The following ANKRD22 variants were observed in gnomAD, a reference collection of about 807,000 sequenced individuals.
ANKRD22 encodes ankyrin repeat domain 22.
Under a neutral mutation model 25.7 loss-of-function variants are expected in ANKRD22, and 24 were observed. The observed-to-expected ratio is 0.93, with a 90% CI of 0.68 to 1.31. The LOEUF is 1.31. Ranked by LOEUF, ANKRD22 falls within the 50% of genes most tolerant of loss-of-function variation. The pLI, the probability that ANKRD22 is intolerant of heterozygous loss-of-function variation, is 0.00. For missense variants in ANKRD22, 214 were observed against 227.1 expected, an observed-to-expected ratio of 0.94 and a Z score of 0.37; for synonymous variants, 84 against 84.3, an observed-to-expected ratio of 1.00 and a Z score of 0.02.
chr10:88,849,834 GCTTATC>G (rs1201225255), intron 1 of ANKRD22, among the ~76,000 whole-genome samples: 1 of 152,038 alleles, frequency 6.6e-6, no homozygotes, highest in Non-Finnish European at 1.5e-5. Flanking sequence ...TGAGCTCTAA[GCTTATC>G]CTCTAGTGCA....
rs117225955 is a variant in ANKRD22 at position 88,823,524 on chromosome 10, T to G, written c.400-146A>C. The G allele has an allele frequency of 7.1e-3, 4,718 of 664,122 alleles. 21 individuals are homozygous for G. Among genetic ancestry groups the G allele is most frequent in the Non-Finnish European group, 9.8e-3 (3,796 of 389,110 alleles). 41.1% of individuals were successfully genotyped at this position (664,122 alleles called of 1,614,324 possible). On this transcript the variant is annotated intron_variant, in intron 4 of 5. Coordinates refer to ENST00000371930, the MANE Select transcript of ANKRD22 (RefSeq NM_144590.3). ...CTGCAAACCATTGATAGACAACTAT[T>G]TCTAGTACTTAAAAAATTTTTCGCC...
At chr10:88,837,397 A>G (rs144023136) in intron 1 of ANKRD22, among the ~76,000 whole-genome samples, 145 of 152,330 alleles carry the variant, frequency 9.5e-4, no homozygotes, top group Non-Finnish European at 1.7e-3. Context: ...GATGGACAGG[A>G]GTGGTTATGA....
At chr10:88,825,336 A>G (rs1418027018) in intron 4 of ANKRD22, among the ~76,000 whole-genome samples, 1 of 152,288 alleles carries the variant, frequency 6.6e-6, no homozygotes, top group Non-Finnish European at 1.5e-5. Flanking sequence ...TGAGAAAGAA[A>G]GATGAGTGCA....
rs371979678 is a variant in ANKRD22, at chr10:88,826,017, T to C, written c.399+21A>G. The C allele has an allele frequency of 1.6e-5, 26 of 1,582,730 alleles. 1 individual carries two copies. Among genetic ancestry groups the C allele is most frequent in the African/African-American group, 1.2e-4 (9 of 74,016 alleles). On this transcript the variant is annotated intron_variant, in intron 4 of 5. Transcript: ENST00000371930. ...TACCATTTTGAATATTTTTTCAAAA[T>C]GGCTAAAAGTATAAACTTACACAAT... is the stretch of plus-strand genomic sequence containing the variant.
chr10:88,831,778 C>A, intron 2 of ANKRD22, 57 bp downstream of exon 2: 1 of 1,479,542 alleles, frequency 6.8e-7, no homozygotes, highest in Non-Finnish European at 9.0e-7. Flanking sequence ...TCTAGTGATT[C>A]AAAGAGAAAA....
chr10:88,834,712 A>G (rs1446848875), intron 1 of ANKRD22, among the ~76,000 whole-genome samples: 2 of 152,198 alleles, frequency 1.3e-5, no homozygotes, highest in Non-Finnish European at 2.9e-5. Flanking sequence ...AGGTGGGTGG[A>G]TCACCTGAGG....
rs113490713 is a variant in ANKRD22, at chr10:88,840,430, A to G, written c.22-8404T>C. 7.8e-3 allele frequency among the ~76,000 whole-genome samples: 1,195 copies of G among 152,284 alleles called. 20 individuals carry two copies. The highest frequency in any genetic ancestry group is 0.05 in the South Asian group (239 of 4,824). On this transcript the variant is annotated intron_variant, in intron 1 of 5. Coordinates refer to ENST00000371930, the MANE Select transcript of ANKRD22 (RefSeq NM_144590.3). ...ATCTGAACAACTTGTACCACTATGG[A>G]TGTCTTTAAAAGCAAAGCTTCCCCC...
intron 1 of ANKRD22, among the ~76,000 whole-genome samples, chr10:88,834,889 A>G (rs372354433): frequency 6.6e-6 from 1 of 152,160 alleles, no homozygotes. Flanking sequence ...AAATCGCGCC[A>G]CTTCATTCCA....
At chr10:88,850,427 G>A (rs977432673) in intron 1 of ANKRD22, among the ~76,000 whole-genome samples, 2 of 152,100 alleles carry the variant, frequency 1.3e-5, no homozygotes, top group African/African-American at 4.8e-5. Context: ...AAACGGGAAA[G>A]CACTGGCCTG....
chr10:88,841,089 G>A (rs979642161), intron 1 of ANKRD22, among the ~76,000 whole-genome samples: 1 of 152,086 alleles, frequency 6.6e-6, no homozygotes, highest in African/African-American at 2.4e-5. Flanking sequence ...AGAACATGAA[G>A]TTATGTTCCT....
intron 1 of ANKRD22, among the ~76,000 whole-genome samples, chr10:88,840,546 C>T (rs1331153255): frequency 6.6e-6 from 1 of 151,704 alleles, no homozygotes; most frequent in Admixed American, 6.6e-5. Context: ...TAGAACTTTG[C>T]CTGTGGCTCA....
chr10:88,828,767 C>T (rs755034742), intron 2 of ANKRD22, 101 bp from the exon 3 acceptor site: 30 of 846,734 alleles, frequency 3.5e-5, no homozygotes, highest in South Asian at 8.5e-5. Context: ...TTTGTTTTTC[C>T]GGTACCCATG....
intron 1 of ANKRD22, among the ~76,000 whole-genome samples, chr10:88,837,094 C>T (rs963158408): frequency 3.9e-5 from 6 of 152,134 alleles, no homozygotes; most frequent in African/African-American, 7.2e-5. Context: ...ACGTTCCACA[C>T]GTTTGTAGGC....
intron 5 of ANKRD22, 30 bp downstream of exon 5, chr10:88,823,250 A>G: frequency 6.4e-7 from 1 of 1,562,714 alleles, no homozygotes. Flanking sequence ...CTGCTAGAGG[A>G]ACCTCAGACC....
intron 1 of ANKRD22, among the ~76,000 whole-genome samples, chr10:88,840,448 C>A (rs1285608233): frequency 6.6e-6 from 1 of 152,282 alleles, no homozygotes; most frequent in South Asian, 2.1e-4. Context: ...AAAAGCAAAG[C>A]TTCCCCCAAA....
At chr10:88,824,049 C>T (rs993577093) in intron 4 of ANKRD22, among the ~76,000 whole-genome samples, 1 of 152,206 alleles carries the variant, frequency 6.6e-6, no homozygotes, top group Non-Finnish European at 1.5e-5. Flanking sequence ...AGAGTCTCCA[C>T]ATGGCCCTTT....
At chr10:88,843,181 T>C (rs1279998651) in intron 1 of ANKRD22, among the ~76,000 whole-genome samples, 8 of 152,136 alleles carry the variant, frequency 5.3e-5, no homozygotes, top group Non-Finnish European at 1.2e-4. Context: ...GCCATCTACT[T>C]CACCTCCTTT....
chr10:88,823,285 T>C lies in ANKRD22; in HGVS notation c.493A>G (p.Asn165Asp). ...LEARADPTIK[N>D]KHGESSLDIA... Reference sequence around the variant, plus strand: ...CACGGTCCACCCTCCCTTACCTTATTCTTTATTGTGGGGTCTGCACGGGCT... The same window carrying C: ...CACGGTCCACCCTCCCTTACCTTATCCTTTATTGTGGGGTCTGCACGGGCT... Residue 165 changes from asparagine (N) to aspartate (D), a missense_variant, in exon 5 of 6, where the codon AAT (asparagine) becomes GAT (aspartate). Asn to Asp is a conservative substitution (Grantham distance 23, BLOSUM62 1). Transcript: ENST00000371930. The C allele has an allele frequency of 6.2e-7, 1 of 1,611,520 alleles. No homozygotes were observed.
chr10:88,841,085 T>C (rs1843999833), intron 1 of ANKRD22, among the ~76,000 whole-genome samples: 1 of 152,100 alleles, frequency 6.6e-6, no homozygotes, highest in African/African-American at 2.4e-5. Flanking sequence ...TTTGAGAACA[T>C]GAAGTTATGT....
Sources: gnomAD v4.1 joint callset for allele counts (sites outside exome capture counted in the v4.1 genomes callset) on GRCh38, gnomAD v4.1.1 for gene constraint, MANE v1.5 for transcripts, NCBI Gene and HGNC (gene_info 2026-07-23, HGNC 2026-07-21) for gene names.